Variants in FRMD4B observed in about 807,000 individuals in gnomAD.
FRMD4B encodes FERM domain containing 4B, also known as FERM domain-containing protein 4B.
FRMD4B carries 74 observed loss-of-function variants against 141.5 expected under a neutral mutation model. The observed-to-expected ratio is 0.52, with a 90% CI of 0.43 to 0.63. FRMD4B has a LOEUF of 0.63. FRMD4B is among the 30% of genes least tolerant of loss of function. The pLI, the probability that FRMD4B is intolerant of heterozygous loss-of-function variation, is 0.00. For synonymous variants in FRMD4B, 506 were observed against 467.9 expected, an observed-to-expected ratio of 1.08 and a Z score of -1.05; for missense variants, 1,366 against 1,253.4, an observed-to-expected ratio of 1.09 and a Z score of -1.36.
At chr3:69,187,593 A>G (rs997169187) in intron 19 of FRMD4B, among the ~76,000 whole-genome samples, 177 bp downstream of exon 19, 3 of 148,650 alleles carry the variant, frequency 2.0e-5, no homozygotes, top group African/African-American at 4.9e-5. Context: ...ATATATATGT[A>G]TATTCATTTG....
At chr3:69,231,545 C>A (rs1439424041) in intron 7 of FRMD4B, among the ~76,000 whole-genome samples, 1 of 152,256 alleles carries the variant, frequency 6.6e-6, no homozygotes, top group Non-Finnish European at 1.5e-5. Context: ...GCCTCCACCT[C>A]CCAAAGTGCT....
At chr3:69,449,746 T>C (rs56840526) in intron 1 of FRMD4B, among the ~76,000 whole-genome samples, 2 of 152,028 alleles carry the variant, frequency 1.3e-5, no homozygotes, top group African/African-American at 4.8e-5. Flanking sequence ...TGTTTTGTTT[T>C]GTTTTCAATG....
At chr3:69,494,992 G>C (rs1433733218) in intron 1 of FRMD4B, among the ~76,000 whole-genome samples, 1 of 151,688 alleles carries the variant, frequency 6.6e-6, no homozygotes, top group African/African-American at 2.4e-5. Context: ...GGGAAGGAAA[G>C]GGAGGGAAAG....
intron 1 of FRMD4B, among the ~76,000 whole-genome samples, chr3:69,509,974 C>T (rs62252348): frequency 0.6 from 89,948 of 150,876 alleles, 28,841 homozygotes; most frequent in African/African-American, 0.86. Flanking sequence ...AGAGCTTCTA[C>T]ATGCACTGGG....
chr3:69,336,891 C>G (rs1702575753), intron 1 of FRMD4B, among the ~76,000 whole-genome samples: 1 of 152,176 alleles, frequency 6.6e-6, no homozygotes, highest in Non-Finnish European at 1.5e-5. Flanking sequence ...TTGCAGTGAG[C>G]CAAGATCATG....
intron 5 of FRMD4B, among the ~76,000 whole-genome samples, chr3:69,257,874 T>A (rs1354497809): frequency 6.6e-6 from 1 of 152,198 alleles, no homozygotes; most frequent in South Asian, 2.1e-4. Flanking sequence ...TCACCCAGGC[T>A]GGAGTGCAAT....
At chr3:69,429,890 G>C (rs950007925) in intron 2 of FRMD4B, among the ~76,000 whole-genome samples, 1 of 151,450 alleles carries the variant, frequency 6.6e-6, no homozygotes, top group Admixed American at 6.6e-5. Flanking sequence ...CTCCCAAGTA[G>C]CTGGGATTAT....
intron 1 of FRMD4B, among the ~76,000 whole-genome samples, chr3:69,510,598 T>C (rs1706672181): frequency 6.6e-6 from 1 of 152,158 alleles, no homozygotes; most frequent in African/African-American, 2.4e-5. Flanking sequence ...AGTATACTTG[T>C]AGATCAAAAT....
chr3:69,249,317 G>T, intron 6 of FRMD4B, 69 bp from the exon 7 acceptor site: 1 of 1,041,192 alleles, frequency 9.6e-7, no homozygotes, highest in South Asian at 1.4e-5. Context: ...GTTTTATCTT[G>T]ATTACTTTCC....
Position 69,209,068 on chromosome 3 carries a change from T to G in FRMD4B, c.876+7195A>C, listed in dbSNP as rs541738213. ...GTGAGGCAGAAGAATGGCTCGAACC[T>G]GGGAGGTGGAGGTTGCAGTGAGCCA... On this transcript the variant is annotated intron_variant, in intron 11 of 22. Transcript: ENST00000398540. Among the ~76,000 whole-genome samples, 641 of 149,610 alleles carry G rather than the reference T, an allele frequency of 4.3e-3. 6 individuals are homozygous for G. The highest frequency in any genetic ancestry group is 7.6e-3 in the Non-Finnish European group (516 of 67,626).
intron 1 of FRMD4B, among the ~76,000 whole-genome samples, chr3:69,341,307 A>G (rs1702731501): frequency 6.6e-6 from 1 of 152,212 alleles, no homozygotes; most frequent in Admixed American, 6.5e-5. Context: ...TTACAGATGA[A>G]TCCCCTAAAG....
intron 1 of FRMD4B, among the ~76,000 whole-genome samples, chr3:69,321,623 C>T (rs890333730): frequency 6.6e-5 from 10 of 152,162 alleles, no homozygotes; most frequent in Admixed American, 5.9e-4. Context: ...GCCTGGCACA[C>T]GGTGAGACCG....
intron 3 of FRMD4B, 58 bp from the exon 4 acceptor site, chr3:69,302,493 G>T (rs751469269): frequency 1.9e-6 from 2 of 1,026,158 alleles, no homozygotes; most frequent in East Asian, 2.6e-5. Flanking sequence ...GTTCAACAAC[G>T]TACAGTGTTG....
chr3:69,338,669 C>T (rs1202516593), intron 1 of FRMD4B, among the ~76,000 whole-genome samples: 1 of 152,068 alleles, frequency 6.6e-6, no homozygotes, highest in Non-Finnish European at 1.5e-5. Flanking sequence ...ACAACAGACA[C>T]CGAGGCCTAC....
chr3:69,193,710 G>C lies in FRMD4B; in HGVS notation c.1652C>G (p.Ala551Gly). The C allele has an allele frequency of 2.5e-6, 4 of 1,613,064 alleles. No individual in the cohort carries two copies. Among genetic ancestry groups the C allele is most frequent in the Non-Finnish European group, 3.4e-6 (4 of 1,179,458 alleles). The change falls in exon 17 of 23, where the codon GCA (alanine) becomes GGA (glycine). Residue 551 changes from alanine (A) to glycine (G), a missense_variant. Transcript: ENST00000398540. ...AMKKLQEIEN[A>G]INEYRIRCGK... The stretch of plus-strand genomic sequence containing the variant: ...ACACCTAATTCGGTATTCGTTTATT[G>C]CATTTTCAATCTCCTGAAGCTTTTT...
At chr3:69,260,075 C>T (rs941372632) in intron 5 of FRMD4B, among the ~76,000 whole-genome samples, 3 of 152,058 alleles carry the variant, frequency 2.0e-5, no homozygotes, top group East Asian at 1.9e-4. Flanking sequence ...GTATAGCAAA[C>T]GCTTTTTTTT....
rs544098019 is a variant in FRMD4B at position 69,242,398 on chromosome 3, T to C, written c.581+6828A>G. ...GTGTAATAACTAAGGGGCAAATTTC[T>C]TGAAAGTGTTTTTATCCTCCCTTCC... is the stretch of plus-strand genomic sequence containing the variant. On this transcript the variant is annotated intron_variant, in intron 7 of 22. Coordinates refer to ENST00000398540, the MANE Select transcript of FRMD4B (RefSeq NM_015123.3). Among the ~76,000 whole-genome samples, 40 of 151,238 alleles carry C rather than the reference T, an allele frequency of 2.6e-4. No homozygotes were observed. In the East Asian group the frequency reaches 5.1e-3, roughly 19 times the overall value.
At position 69,326,573 on chromosome 3, in the gene FRMD4B, A is replaced by T. The variant is rs144075613; in HGVS notation, c.163-13056T>A. Among the ~76,000 whole-genome samples the T allele has an allele frequency of 3.8e-3, 573 of 152,322 alleles. 3 individuals carry two copies. Among genetic ancestry groups the T allele is most frequent in the African/African-American group, 0.013 (546 of 41,570 alleles). ...ATCTGCTTTTACATACATTTTCCCCATTGAGCTCTCAAACCTACCTGTGAA... is the reference window on the plus strand; with the variant it reads ...ATCTGCTTTTACATACATTTTCCCCTTTGAGCTCTCAAACCTACCTGTGAA... On this transcript the variant is annotated intron_variant, in intron 1 of 22. Coordinates refer to ENST00000398540, the MANE Select transcript of FRMD4B (RefSeq NM_015123.3).
intron 5 of FRMD4B, among the ~76,000 whole-genome samples, chr3:69,280,255 C>CTCTGCATTCTCTTCCTCTT (rs2093638679): frequency 6.6e-6 from 1 of 152,116 alleles, no homozygotes; most frequent in Non-Finnish European, 1.5e-5. Context: ...CAAGGTGGGC[C>CTCTGCATTCTCTTCCTCTT]CCTCTGCATT....
Sources: gnomAD v4.1 joint callset for allele counts (sites outside exome capture counted in the v4.1 genomes callset) on GRCh38, gnomAD v4.1.1 for gene constraint, MANE v1.5 for transcripts, NCBI Gene and HGNC (gene_info 2026-07-23, HGNC 2026-07-21) for gene names.